The following MAD1L1 variants were observed in gnomAD, a reference collection of about 807,000 sequenced individuals.
MAD1L1 encodes mitotic arrest deficient 1 like 1, also known as mitotic spindle assembly checkpoint protein MAD1.
In MAD1L1, 95 loss-of-function variants were observed where a neutral mutation model predicts 96.9. That is an observed-to-expected ratio of 0.98 (90% CI 0.83 to 1.16). The LOEUF is 1.16. Among genes scored for constraint, MAD1L1 ranks in the 50% most tolerant of loss-of-function variants. The probability of loss-of-function intolerance (pLI) is 0.00; values close to 1 mark genes in which losing one functional copy is unlikely to be tolerated. For missense variants in MAD1L1, 1,007 were observed against 954.4 expected (o/e 1.06, Z -0.73); for synonymous variants, 473 against 396.6 (o/e 1.19, Z -2.29).
At chr7:1,900,626 C>T (rs1290121071) in intron 17 of MAD1L1, among the ~76,000 whole-genome samples, 6 of 152,158 alleles carry the variant, frequency 3.9e-5, no homozygotes, top group African/African-American at 7.2e-5. Flanking sequence ...ATGGGGCTAT[C>T]GGTAGCAGGA....
intron 12 of MAD1L1, among the ~76,000 whole-genome samples, chr7:2,066,972 C>T (rs766900901): frequency 6.6e-6 from 1 of 152,220 alleles, no homozygotes; most frequent in East Asian, 1.9e-4. Flanking sequence ...TGAGGCCGGG[C>T]GGGGCTGCCC....
At chr7:2,128,304 G>A (rs3800917) in intron 11 of MAD1L1, among the ~76,000 whole-genome samples, 44,074 of 152,082 alleles carry the variant, frequency 0.29, 7,845 homozygotes, top group East Asian at 0.46. Context: ...CAGCACTACT[G>A]AAACCTGGCA....
intron 7 of MAD1L1, among the ~76,000 whole-genome samples, chr7:2,217,152 G>T (rs1003818572): frequency 6.6e-6 from 1 of 152,234 alleles, no homozygotes; most frequent in Non-Finnish European, 1.5e-5. Context: ...ACGTGTGACA[G>T]CTCAGTCTTT....
chr7:2,006,660 C>G (rs998744152), intron 13 of MAD1L1, among the ~76,000 whole-genome samples: 3 of 150,994 alleles, frequency 2.0e-5, no homozygotes, highest in Non-Finnish European at 4.4e-5. Flanking sequence ...TAAACCCACA[C>G]AGCCCAACAC....
intron 10 of MAD1L1, among the ~76,000 whole-genome samples, chr7:2,197,312 C>A (rs1371083406): frequency 6.6e-6 from 1 of 152,200 alleles, no homozygotes; most frequent in Non-Finnish European, 1.5e-5. Context: ...CCGGCTAGAT[C>A]TGAGAGGACT....
chr7:2,014,486 G>T lies in MAD1L1; in HGVS notation c.1359+16C>A, dbSNP rs376055349. 87 of 1,548,386 alleles carry T rather than the reference G, an allele frequency of 5.6e-5. No homozygotes were observed. Among genetic ancestry groups the T allele is most frequent in the Non-Finnish European group, 6.2e-5 (71 of 1,147,944 alleles). ...CCCCACCTGGCGACGTGAGCCCCAC[G>T]CCCGCGGCCCCTCACCTCCATCTCG... On this transcript the variant is annotated intron_variant, in intron 13 of 18. Coordinates refer to ENST00000265854, the MANE Select transcript of MAD1L1 (RefSeq NM_001013836.2).
chr7:2,142,691 C>T lies in MAD1L1; in HGVS notation c.1073+6461G>A, dbSNP rs1200465901. Among the ~76,000 whole-genome samples the T allele has an allele frequency of 2.0e-5, 3 of 152,240 alleles. No individual in the cohort carries two copies. Among genetic ancestry groups the T allele is most frequent in the Non-Finnish European group, 4.4e-5 (3 of 68,040 alleles). On this transcript the variant is annotated intron_variant, in intron 11 of 18. Transcript: ENST00000265854. The surrounding 1 kb of genome is among the most constrained non-coding windows in gnomAD (Gnocchi z 4.7). ...TGATTCCACACCTTCTGCCAAAGAC[C>T]ATTTACATCGAGTGGCGCCAAAGCC...
In MAD1L1 at chr7:1,816,269, C is replaced by G. The variant is rs561077130; in HGVS notation, c.1999-41G>C. The G allele has an allele frequency of 3.2e-6, 5 of 1,583,658 alleles. No homozygotes were observed. In the African/African-American group the frequency reaches 4.0e-5, roughly 13 times the overall value. On this transcript the variant is annotated intron_variant, in intron 18 of 18. Transcript: ENST00000265854. The stretch of plus-strand genomic sequence containing the variant: ...GAAAGAGACAAGACAGCGGTCAGCC[C>G]GACAGGCCTCTCCCTCTCCCCTCCC...
chr7:1,925,836 G>T (rs1348242938), intron 17 of MAD1L1, among the ~76,000 whole-genome samples: 1 of 152,112 alleles, frequency 6.6e-6, no homozygotes, highest in Non-Finnish European at 1.5e-5. Flanking sequence ...AAGCAGAAAA[G>T]ATCTCAAATA....
chr7:2,157,629 T>C (rs1411968004), intron 10 of MAD1L1, among the ~76,000 whole-genome samples: 3 of 151,750 alleles, frequency 2.0e-5, no homozygotes, highest in Non-Finnish European at 4.4e-5. Flanking sequence ...CTTGTGCCTG[T>C]GGGAAGAGAG....
intron 18 of MAD1L1, among the ~76,000 whole-genome samples, chr7:1,865,966 A>G (rs1784759348): frequency 6.6e-6 from 1 of 152,252 alleles, no homozygotes; most frequent in Non-Finnish European, 1.5e-5. Context: ...GCAATGGGCC[A>G]GGCAGACAGC....
rs183755252 is a variant in MAD1L1, at chr7:2,072,095, C to A, written c.1074-2757G>T. Among the ~76,000 whole-genome samples, 395 of 152,370 alleles carry A rather than the reference C, an allele frequency of 2.6e-3. 2 individuals carry two copies. Among genetic ancestry groups the A allele is most frequent in the Admixed American group, 5.2e-3 (79 of 15,314 alleles). ...GGGTGGTAGGAACCCCAGTTTACAG[C>A]TGGCCGGTCAGAAGCACACCTGCGG... On this transcript the variant is annotated intron_variant, in intron 11 of 18. Transcript: ENST00000265854.
At chr7:2,189,534 A>C (rs1015883444) in intron 10 of MAD1L1, among the ~76,000 whole-genome samples, 1 of 152,250 alleles carries the variant, frequency 6.6e-6, no homozygotes, top group African/African-American at 2.4e-5. Context: ...AAGTGAAATA[A>C]GCCAGTCACA....
At chr7:2,043,583 T>C (rs561233228) in intron 12 of MAD1L1, among the ~76,000 whole-genome samples, 105 of 152,130 alleles carry the variant, frequency 6.9e-4, no homozygotes, top group African/African-American at 2.3e-3. Flanking sequence ...GGACGCTGGG[T>C]CATGACTGTT....
chr7:1,947,125 G>A (rs182693039), intron 16 of MAD1L1, among the ~76,000 whole-genome samples: 109 of 152,318 alleles, frequency 7.2e-4, no homozygotes, highest in African/African-American at 1.8e-3. Context: ...CATAAGACCC[G>A]GAGCAGAGGA....
chr7:1,843,228 T>C (rs1166009615), intron 18 of MAD1L1, among the ~76,000 whole-genome samples: 1 of 152,238 alleles, frequency 6.6e-6, no homozygotes, highest in Non-Finnish European at 1.5e-5. Context: ...TGCAGAATGA[T>C]GCTCTTTCTG....
chr7:2,216,223 TCAGAC>T lies in MAD1L1; in HGVS notation c.738_742del (p.Ser247AlafsTer6), dbSNP rs1793268742. The T allele has an allele frequency of 6.2e-7, 1 of 1,614,144 alleles. No homozygotes were observed. ...TTCCAGCCTAGGGAGCCGTACCAGCTCAGACTTCATGTTCTTCACAATCGCTGCAT... is the reference window on the plus strand; with the variant it reads ...TTCCAGCCTAGGGAGCCGTACCAGCTTTCATGTTCTTCACAATCGCTGCAT... On this transcript the variant is annotated frameshift_variant, in exon 8 of 19. Transcript: ENST00000265854. LOFTEE classifies it high-confidence loss of function.
chr7:2,091,528 C>A (rs896817453), intron 11 of MAD1L1, among the ~76,000 whole-genome samples: 2 of 152,368 alleles, frequency 1.3e-5, no homozygotes, highest in East Asian at 1.9e-4. Context: ...ATGATCCCAG[C>A]ACTTTGGGAG....
chr7:2,072,339 G>A (rs1004353410), intron 11 of MAD1L1, among the ~76,000 whole-genome samples: 1 of 152,216 alleles, frequency 6.6e-6, no homozygotes, highest in African/African-American at 2.4e-5. Flanking sequence ...AAACCGTTCT[G>A]AGTCTTTCCT....
Sources: gnomAD v4.1 joint callset for allele counts (sites outside exome capture counted in the v4.1 genomes callset) on GRCh38, gnomAD v4.1.1 for gene constraint, Gnocchi (gnomAD v3.1) non-coding constraint, MANE v1.5 for transcripts, NCBI Gene and HGNC (gene_info 2026-07-23, HGNC 2026-07-21) for gene names.